The following LAMA2 variants were observed in gnomAD, a reference collection of about 807,000 sequenced individuals.
The protein encoded by LAMA2 is laminin subunit alpha-2.
In LAMA2, 269 loss-of-function variants were observed where a neutral mutation model predicts 364.8. The ratio of observed to expected loss-of-function variants is 0.74; its 90% CI spans 0.67 to 0.82. LAMA2 has a LOEUF of 0.82. Among genes scored for constraint, LAMA2 ranks in the 40% least tolerant of loss-of-function variants. The probability of loss-of-function intolerance (pLI) is 0.00; values close to 1 mark genes in which losing one functional copy is unlikely to be tolerated. For synonymous variants in LAMA2, 1,379 were observed against 1,370.6 expected, an observed-to-expected ratio of 1.01 and a Z score of -0.14; for missense variants, 3,807 against 3,873.2, an observed-to-expected ratio of 0.98 and a Z score of 0.45.
chr6:129,225,359 T>G (rs999129242), intron 12 of LAMA2, among the ~76,000 whole-genome samples: 1 of 152,218 alleles, frequency 6.6e-6, no homozygotes, highest in Non-Finnish European at 1.5e-5. Flanking sequence ...TCTTAGTTAT[T>G]TCTTGCCTTC....
chr6:129,394,683 A>G (rs1018225461), intron 37 of LAMA2, among the ~76,000 whole-genome samples: 1 of 152,172 alleles, frequency 6.6e-6, no homozygotes, highest in South Asian at 2.1e-4. Context: ...GCACCTGTCT[A>G]TTTTATGGCA....
chr6:129,368,904 A>G (rs1777922446), intron 33 of LAMA2, among the ~76,000 whole-genome samples: 1 of 152,216 alleles, frequency 6.6e-6, no homozygotes, highest in Admixed American at 6.5e-5. Context: ...AAGACCATCA[A>G]GGACACACAT....
At chr6:129,266,720 T>C (rs1034321969) in intron 15 of LAMA2, among the ~76,000 whole-genome samples, 11 of 152,170 alleles carry the variant, frequency 7.2e-5, no homozygotes, top group Non-Finnish European at 1.5e-4. Context: ...GGTACTCTCT[T>C]AGGCTAAGAC....
chr6:129,155,024 C>T (rs56397435), intron 8 of LAMA2, among the ~76,000 whole-genome samples: 39,133 of 152,018 alleles, frequency 0.26, 6,491 homozygotes, highest in African/African-American at 0.47. Context: ...TCTTTTTTCA[C>T]TCGACATAAT....
chr6:128,885,881 A>G (rs1180731741), intron 1 of LAMA2, among the ~76,000 whole-genome samples: 3 of 152,198 alleles, frequency 2.0e-5, no homozygotes, highest in Non-Finnish European at 2.9e-5. Context: ...TTCTTTAGCT[A>G]TATTTAAAAT....
chr6:129,114,397 T>C (rs1776339912), intron 4 of LAMA2, among the ~76,000 whole-genome samples: 1 of 152,002 alleles, frequency 6.6e-6, no homozygotes, highest in African/African-American at 2.4e-5. Flanking sequence ...GACTGCAAGG[T>C]TAAAGAACAG....
chr6:129,438,927 C>A (rs1355425155), intron 42 of LAMA2, among the ~76,000 whole-genome samples, 165 bp downstream of exon 42: 3 of 151,966 alleles, frequency 2.0e-5, no homozygotes, highest in Admixed American at 1.3e-4. Flanking sequence ...AGAAACTAAA[C>A]CATACTTTGC....
intron 14 of LAMA2, among the ~76,000 whole-genome samples, chr6:129,253,376 C>T (rs1442977434): frequency 1.3e-5 from 2 of 152,148 alleles, no homozygotes; most frequent in African/African-American, 2.4e-5. Flanking sequence ...CCTCCCTGTC[C>T]CTCATCATTT....
At chr6:129,440,661 C>T (rs1782059356) in intron 42 of LAMA2, among the ~76,000 whole-genome samples, 155 bp from the exon 43 acceptor site, 1 of 152,158 alleles carries the variant, frequency 6.6e-6, no homozygotes, top group South Asian at 2.1e-4. Context: ...AAAAAATTTG[C>T]TTCATTTGCT....
chr6:129,024,891 G>T (rs1785697390), intron 1 of LAMA2, among the ~76,000 whole-genome samples: 1 of 151,996 alleles, frequency 6.6e-6, no homozygotes, highest in Non-Finnish European at 1.5e-5. Context: ...TGAGGTTATA[G>T]CACACTATGA....
chr6:128,982,846 G>A (rs1373884730), intron 1 of LAMA2, among the ~76,000 whole-genome samples: 4 of 146,958 alleles, frequency 2.7e-5, no homozygotes, highest in Non-Finnish European at 4.4e-5. Context: ...CCACCTATGA[G>A]TGAGAACATG....
chr6:129,311,883 G>A (rs796376800), intron 22 of LAMA2, among the ~76,000 whole-genome samples: 25 of 148,788 alleles, frequency 1.7e-4, no homozygotes, highest in African/African-American at 6.5e-4. Flanking sequence ...TGTAAAACAG[G>A]AGCTGTGAAA....
intron 23 of LAMA2, 85 bp from the exon 24 acceptor site, chr6:129,314,570 A>T (rs1417919461): frequency 7.9e-7 from 1 of 1,271,004 alleles, no homozygotes; most frequent in East Asian, 2.3e-5. Flanking sequence ...TTTTAAAAAG[A>T]GTATGCTCCC....
At chr6:129,481,618 A>G (rs567937726) in intron 55 of LAMA2, among the ~76,000 whole-genome samples, 179 bp downstream of exon 55, 1 of 152,190 alleles carries the variant, frequency 6.6e-6, no homozygotes, top group South Asian at 2.1e-4. Context: ...CCCCAGGACA[A>G]TTGTCTTCTC....
chr6:129,226,451 T>C (rs1006545579), intron 12 of LAMA2, among the ~76,000 whole-genome samples: 24 of 152,190 alleles, frequency 1.6e-4, no homozygotes, highest in Non-Finnish European at 2.1e-4. Flanking sequence ...ATTTGGCATG[T>C]TTTTGCAGTG....
intron 1 of LAMA2, chr6:128,930,084 A>C: frequency 2.4e-5 from 8 of 336,872 alleles, no homozygotes; most frequent in East Asian, 7.4e-5. Flanking sequence ...CGGGGTCTCA[A>C]TCAGCAGCCC....
chr6:129,121,405 A>G (rs984149831), intron 4 of LAMA2, among the ~76,000 whole-genome samples: 2 of 152,100 alleles, frequency 1.3e-5, no homozygotes, highest in Non-Finnish European at 2.9e-5. Flanking sequence ...TTGCATTTTT[A>G]TTTAACTTGA....
At chr6:129,499,273 T>TTTA (rs941557229) in intron 58 of LAMA2, among the ~76,000 whole-genome samples, 12 of 152,298 alleles carry the variant, frequency 7.9e-5, no homozygotes, top group African/African-American at 2.6e-4. Flanking sequence ...AATTTTTTTT[T>TTTA]TTATTATTAT....
intron 1 of LAMA2, among the ~76,000 whole-genome samples, chr6:129,037,585 C>A (rs938261680): frequency 1.3e-5 from 2 of 151,934 alleles, no homozygotes; most frequent in Non-Finnish European, 2.9e-5. Flanking sequence ...CTATTGGTAT[C>A]TCCGCATGTT....
Sources: gnomAD v4.1 joint callset for allele counts (sites outside exome capture counted in the v4.1 genomes callset) on GRCh38, gnomAD v4.1.1 for gene constraint, MANE v1.5 for transcripts, NCBI Gene and HGNC (gene_info 2026-07-23, HGNC 2026-07-21) for gene names.